The following INPP5A variants were observed in gnomAD, a reference collection of about 807,000 sequenced individuals.
The protein encoded by INPP5A is inositol polyphosphate-5-phosphatase A.
In INPP5A, 14 loss-of-function variants were observed where a neutral mutation model predicts 65.2. The ratio of observed to expected loss-of-function variants is 0.21; its 90% CI spans 0.14 to 0.34. The LOEUF (loss-of-function observed/expected upper bound fraction) is 0.34. Ranked by LOEUF, INPP5A falls within the 10% of genes least tolerant of loss-of-function variation. INPP5A has a pLI of 1.00. For synonymous variants in INPP5A, 207 were observed against 208.3 expected (o/e 0.99, Z 0.05); for missense variants, 431 against 545.6 (o/e 0.79, Z 2.09).
At chr10:132,750,187 C>T (rs992619566) in intron 11 of INPP5A, among the ~76,000 whole-genome samples, 1 of 152,260 alleles carries the variant, frequency 6.6e-6, no homozygotes, top group African/African-American at 2.4e-5. Flanking sequence ...GGGCCTCGGG[C>T]CTCACTCTGA....
intron 1 of INPP5A, among the ~76,000 whole-genome samples, chr10:132,548,792 CTTTTTTTT>C (rs71013535): frequency 2.5e-5 from 2 of 79,270 alleles, no homozygotes; most frequent in Admixed American, 1.6e-4. Flanking sequence ...GTTTATCTGG[CTTTTTTTT>C]TTTTTTTTTT....
At chr10:132,736,942 G>A (rs1426138953) in intron 9 of INPP5A, among the ~76,000 whole-genome samples, 3 of 152,336 alleles carry the variant, frequency 2.0e-5, no homozygotes, top group South Asian at 2.1e-4. Context: ...TCCCTCAGCC[G>A]TGGGCACAGT....
intron 6 of INPP5A, among the ~76,000 whole-genome samples, chr10:132,699,996 C>T (rs1297647495): frequency 1.3e-5 from 2 of 152,136 alleles, no homozygotes; most frequent in African/African-American, 4.8e-5. Flanking sequence ...TCCCTAATGC[C>T]AGTACTCTGA....
rs57404832 is a variant in INPP5A, at chr10:132,556,920, T to C, written c.75+18749T>C. ...ACACTTCTGTCATTGTGCTCCCTGA[T>C]GCTGAGTGACTTAGGCTTGTGACTT... On this transcript the variant is annotated intron_variant, in intron 1 of 15. Transcript: ENST00000368594. 8.2e-3 allele frequency among the ~76,000 whole-genome samples: 1,244 copies of C among 152,330 alleles called. 12 individuals are homozygous for C. The highest frequency in any genetic ancestry group is 0.029 in the African/African-American group (1,185 of 41,578).
rs1049016124 is a variant in INPP5A, at chr10:132,753,069, G to A, written c.903+3224G>A. The stretch of plus-strand genomic sequence containing the variant: ...TTCTCATGAGAAGAGCCGATGCCTC[G>A]GCGTTCCTGTCCTGCTACTCAGATC... On this transcript the variant is annotated intron_variant, in intron 11 of 15. Coordinates refer to ENST00000368594, the MANE Select transcript of INPP5A (RefSeq NM_005539.5). The surrounding 1 kb of genome is among the most constrained non-coding windows in gnomAD (Gnocchi z 5.3). 3.9e-5 allele frequency among the ~76,000 whole-genome samples: 6 copies of A among 152,108 alleles called. No individual in the cohort carries two copies. The highest frequency in any genetic ancestry group is 8.8e-5 in the Non-Finnish European group (6 of 68,016).
At position 132,663,785 on chromosome 10, in the gene INPP5A, G is replaced by T. The variant is rs888021808; in HGVS notation, c.306+13280G>T. 1.1e-4 allele frequency among the ~76,000 whole-genome samples: 16 copies of T among 152,192 alleles called. No homozygotes were observed. Among genetic ancestry groups the T allele is most frequent in the African/African-American group, 2.7e-4 (11 of 41,430 alleles). On this transcript the variant is annotated intron_variant, in intron 4 of 15. Coordinates refer to ENST00000368594, the MANE Select transcript of INPP5A (RefSeq NM_005539.5). This position sits in a 1 kb window ranked among gnomAD's most constrained non-coding sequence, Gnocchi z 4.5. ...TGTGAGCAGATTCGCCCCTAGGGGTGAAGTCATCTCGCTCCTCTTCTGAGC... is the reference window on the plus strand; with the variant it reads ...TGTGAGCAGATTCGCCCCTAGGGGTTAAGTCATCTCGCTCCTCTTCTGAGC...
chr10:132,751,782 ATGGAGGCAGGTGCCCAGGAGGTGTCTGGG>A (rs1846483769), intron 11 of INPP5A, among the ~76,000 whole-genome samples: 1 of 33,452 alleles, frequency 3.0e-5, no homozygotes, highest in Admixed American at 2.9e-4. Context: ...AGGTGTCTGG[ATGGAGGCAGGTGCCCAGGAGGTGTCTGGG>A]TGGAGGCAGG....
At chr10:132,548,956 A>G (rs1200387934) in intron 1 of INPP5A, among the ~76,000 whole-genome samples, 2 of 151,956 alleles carry the variant, frequency 1.3e-5, no homozygotes, top group Non-Finnish European at 2.9e-5. Flanking sequence ...CCACCATGCC[A>G]GGCTTTTACA....
chr10:132,688,821 ACT>A (rs1845198568), intron 4 of INPP5A, among the ~76,000 whole-genome samples: 1 of 3,384 alleles, frequency 3.0e-4, no homozygotes, highest in African/African-American at 2.1e-3. Context: ...TGAGTGCATG[ACT>A]GAGTGCAAGT....
At chr10:132,718,294 T>C (rs1845783038) in intron 8 of INPP5A, among the ~76,000 whole-genome samples, 1 of 145,554 alleles carries the variant, frequency 6.9e-6, no homozygotes, top group South Asian at 2.2e-4. Flanking sequence ...GGGGGCGCCT[T>C]AGACAGCTGT....
At chr10:132,625,976 C>T (rs1371891332) in intron 2 of INPP5A, among the ~76,000 whole-genome samples, 3 of 152,152 alleles carry the variant, frequency 2.0e-5, no homozygotes, top group Non-Finnish European at 4.4e-5. Context: ...TTGACAAATG[C>T]GCACACCTGT....
chr10:132,598,348 ATC>A (rs1215793648), intron 1 of INPP5A, among the ~76,000 whole-genome samples: 1 of 152,222 alleles, frequency 6.6e-6, no homozygotes, highest in Admixed American at 6.5e-5. Flanking sequence ...CCATCTCCAG[ATC>A]TCTTTTAATC....
chr10:132,642,648 TG>T lies in INPP5A; in HGVS notation c.118-3217del, dbSNP rs567352316. ...CTGTTTGAGCAGGCCTGGCCTTTGT[TG>T]GGCTTTGCTGAGGAGCTCATCCATG... is the stretch of plus-strand genomic sequence containing the variant. On this transcript the variant is annotated intron_variant, in intron 2 of 15. Transcript: ENST00000368594. Among the ~76,000 whole-genome samples the T allele has an allele frequency of 4.6e-5, 7 of 152,204 alleles. No homozygotes were observed. The South Asian group carries it at 1.4e-3, about 31-fold the overall frequency.
Position 132,617,890 on chromosome 10 carries a change from T to A in INPP5A, c.117+9934T>A, listed in dbSNP as rs552408321. Among the ~76,000 whole-genome samples, 13 of 152,370 alleles carry A rather than the reference T, an allele frequency of 8.5e-5. 1 individual carries two copies. The South Asian group carries it at 1.7e-3, about 19-fold the overall frequency. ...CATCCACAAGTGGGCAGCAGACACATGTGCGTACAGCTTACTCTCTCTGCC... is the reference window on the plus strand; with the variant it reads ...CATCCACAAGTGGGCAGCAGACACAAGTGCGTACAGCTTACTCTCTCTGCC... On this transcript the variant is annotated intron_variant, in intron 2 of 15. Transcript: ENST00000368594.
chr10:132,568,836 G>C (rs138767728), intron 1 of INPP5A, among the ~76,000 whole-genome samples: 2,190 of 151,238 alleles, frequency 0.014, 28 homozygotes, highest in Non-Finnish European at 0.023. Context: ...AAATTGTATT[G>C]TCAAAACTAT....
rs1283870266 is a variant in INPP5A, at chr10:132,538,261, C to T, written c.75+90C>T. 5.7e-6 allele frequency: 4 copies of T among 707,916 alleles called. No homozygotes were observed. The highest frequency in any genetic ancestry group is 5.7e-6 in the Non-Finnish European group (3 of 525,858). 43.9% of individuals were successfully genotyped at this position (707,916 alleles called of 1,614,324 possible). A position where few individuals can be genotyped will look rare whatever the true frequency, so the allele number is the denominator to read the frequency against. On this transcript the variant is annotated intron_variant, in intron 1 of 15. Transcript: ENST00000368594. This position sits in a 1 kb window ranked among gnomAD's most constrained non-coding sequence, Gnocchi z 4.1. ...GAACTGCAAGCCTTGGACCCTGGAC[C>T]GTGAACCTCCAGACCCAGAGGCCCC...
chr10:132,600,774 G>A (rs1273674418), intron 1 of INPP5A, among the ~76,000 whole-genome samples: 1 of 152,172 alleles, frequency 6.6e-6, no homozygotes, highest in East Asian at 1.9e-4. Flanking sequence ...CTTCTTACAT[G>A]GCAGTGGCAA....
chr10:132,764,195 G>A (rs1423694337), intron 11 of INPP5A, among the ~76,000 whole-genome samples: 1 of 152,276 alleles, frequency 6.6e-6, no homozygotes, highest in African/African-American at 2.4e-5. Flanking sequence ...TGTGCATGAG[G>A]CTGCTGATTG....
At chr10:132,560,416 C>T (rs148636598) in intron 1 of INPP5A, among the ~76,000 whole-genome samples, 2 of 152,328 alleles carry the variant, frequency 1.3e-5, no homozygotes, top group Non-Finnish European at 2.9e-5. Context: ...TCCAACATCA[C>T]AGAACAGTAC....
Sources: gnomAD v4.1 joint callset for allele counts (sites outside exome capture counted in the v4.1 genomes callset) on GRCh38, gnomAD v4.1.1 for gene constraint, Gnocchi (gnomAD v3.1) non-coding constraint, MANE v1.5 for transcripts, NCBI Gene and HGNC (gene_info 2026-07-23, HGNC 2026-07-21) for gene names.